OPCML: variants seen among roughly 807,000 people sequenced by gnomAD.
OPCML encodes opioid-binding protein/cell adhesion molecule.
Under a neutral mutation model 37.8 loss-of-function variants are expected in OPCML, and 13 were observed. The ratio of observed to expected loss-of-function variants is 0.34; its 90% CI spans 0.22 to 0.55. The LOEUF is 0.55. Ranked by LOEUF, OPCML falls within the 20% of genes least tolerant of loss-of-function variation. OPCML has a pLI of 0.91. For missense variants in OPCML, 341 were observed against 435.6 expected (o/e 0.78, Z 1.93); for synonymous variants, 176 against 168.8 (o/e 1.04, Z -0.33).
chr11:133,035,590 CCTG>C (rs1345355494), intron 1 of OPCML, among the ~76,000 whole-genome samples: 1 of 152,162 alleles, frequency 6.6e-6, no homozygotes, highest in South Asian at 2.1e-4. Flanking sequence ...TGAGCCTGTG[CCTG>C]CTATTTCTCT....
intron 2 of OPCML, among the ~76,000 whole-genome samples, chr11:132,922,703 GT>G (rs1944848240): frequency 6.6e-6 from 1 of 152,124 alleles, no homozygotes; most frequent in Non-Finnish European, 1.5e-5. Context: ...GCAAAAAATT[GT>G]TGTACTCACA....
intron 3 of OPCML, among the ~76,000 whole-genome samples, chr11:132,541,712 A>G (rs1435332022): frequency 6.6e-6 from 1 of 152,218 alleles, no homozygotes; most frequent in East Asian, 1.9e-4. Flanking sequence ...AATTTCACAC[A>G]GCCTGGAAGA....
chr11:132,874,430 CTT>C (rs1942934483), intron 2 of OPCML, among the ~76,000 whole-genome samples: 1 of 136,728 alleles, frequency 7.3e-6, no homozygotes, highest in African/African-American at 2.7e-5. Context: ...CCCTTCCTTC[CTT>C]CTTCCTTCCT....
intron 1 of OPCML, among the ~76,000 whole-genome samples, chr11:133,199,356 T>C (rs1486141954): frequency 1.3e-5 from 2 of 152,248 alleles, no homozygotes; most frequent in Non-Finnish European, 2.9e-5. Context: ...TATTGTCTTA[T>C]AAGTAATAAA....
rs142119754 is a variant in OPCML at position 133,439,713 on chromosome 11, C to T, written c.61+92551G>A. On this transcript the variant is annotated intron_variant, in intron 1 of 7. Coordinates refer to ENST00000524381, the MANE Select transcript of OPCML (RefSeq NM_001012393.5). ...CGATCTCCTGACTTCGTGATCCACC[C>T]GCCTTGGCCTCCCAAAGTGCTGGGA... Among the ~76,000 whole-genome samples, 389 of 152,084 alleles carry T rather than the reference C, an allele frequency of 2.6e-3. 3 individuals carry two copies. Among genetic ancestry groups the T allele is most frequent in the Middle Eastern group, 0.01 (3 of 294 alleles).
At chr11:132,624,904 T>C (rs1939646893) in intron 3 of OPCML, among the ~76,000 whole-genome samples, 1 of 152,146 alleles carries the variant, frequency 6.6e-6, no homozygotes, top group East Asian at 1.9e-4. Context: ...TAAATTGGAA[T>C]TTCAGATCAG....
At chr11:132,497,480 AG>A (rs2096235194) in intron 4 of OPCML, among the ~76,000 whole-genome samples, 1 of 152,004 alleles carries the variant, frequency 6.6e-6, no homozygotes, top group African/African-American at 2.4e-5. Flanking sequence ...AGGAAATGCC[AG>A]GGTGATGTGG....
Position 133,208,547 on chromosome 11 carries a change from G to A in OPCML, c.62-265537C>T, listed in dbSNP as rs998033899. On this transcript the variant is annotated intron_variant, in intron 1 of 7. Transcript: ENST00000524381. The surrounding 1 kb of genome is among the most constrained non-coding windows in gnomAD (Gnocchi z 8.9). ...AGGGCATCGTAAATATAATTCCAATGCTGGCTATCCACATATGTGTATTAG... is the reference window on the plus strand; with the variant it reads ...AGGGCATCGTAAATATAATTCCAATACTGGCTATCCACATATGTGTATTAG... Among the ~76,000 whole-genome samples, 4 of 152,174 alleles carry A rather than the reference G, an allele frequency of 2.6e-5. No individual in the cohort carries two copies. The highest frequency in any genetic ancestry group is 9.7e-5 in the African/African-American group (4 of 41,440).
At chr11:133,431,542 C>T (rs1053049371) in intron 1 of OPCML, among the ~76,000 whole-genome samples, 1 of 151,888 alleles carries the variant, frequency 6.6e-6, no homozygotes, top group African/African-American at 2.4e-5. Context: ...CTCAGCTCAC[C>T]GCAACCTCCG....
intron 2 of OPCML, among the ~76,000 whole-genome samples, chr11:132,864,527 C>A (rs970490613): frequency 5.9e-5 from 9 of 152,078 alleles, no homozygotes; most frequent in Non-Finnish European, 1.2e-4. Flanking sequence ...TTGGATTATG[C>A]AAAGAAAAGT....
chr11:132,634,857 TAGGG>T (rs1290147855), intron 3 of OPCML, among the ~76,000 whole-genome samples: 1 of 151,824 alleles, frequency 6.6e-6, no homozygotes, highest in Non-Finnish European at 1.5e-5. Flanking sequence ...CCCAACTTGT[TAGGG>T]AGGATTAACT....
intron 2 of OPCML, among the ~76,000 whole-genome samples, chr11:132,730,137 C>T (rs888482652): frequency 9.2e-5 from 14 of 151,440 alleles, no homozygotes; most frequent in Non-Finnish European, 1.3e-4. Flanking sequence ...CTCAGCCTCC[C>T]GAGTAGCTGG....
chr11:132,648,331 G>A (rs1345733807), intron 3 of OPCML, among the ~76,000 whole-genome samples: 1 of 152,116 alleles, frequency 6.6e-6, no homozygotes, highest in Admixed American at 6.5e-5. Flanking sequence ...TGGAGGTATT[G>A]GCAGACAGGT....
intron 1 of OPCML, among the ~76,000 whole-genome samples, chr11:133,406,189 G>A (rs1945522503): frequency 6.6e-6 from 1 of 151,794 alleles, no homozygotes; most frequent in Non-Finnish European, 1.5e-5. Flanking sequence ...TCTAAACTTC[G>A]GGCAGCTTGG....
intron 1 of OPCML, among the ~76,000 whole-genome samples, chr11:132,991,159 A>C (rs973013411): frequency 6.6e-6 from 1 of 152,192 alleles, no homozygotes; most frequent in African/African-American, 2.4e-5. Flanking sequence ...GCGTCACACA[A>C]GGCATCTCCC....
intron 1 of OPCML, among the ~76,000 whole-genome samples, chr11:133,112,798 G>A (rs1224264412): frequency 6.6e-6 from 1 of 151,982 alleles, no homozygotes; most frequent in Admixed American, 6.6e-5. Context: ...GAGAGCCAAG[G>A]GCGAGCAGGT....
intron 1 of OPCML, 51 bp downstream of exon 1, chr11:133,532,213 A>C (rs1391385203): frequency 1.3e-6 from 2 of 1,597,718 alleles, no homozygotes; most frequent in Non-Finnish European, 8.5e-7. Context: ...TCCTGCTCTC[A>C]CGTCGTACAA....
chr11:133,200,423 AT>A (rs562587659), intron 1 of OPCML, among the ~76,000 whole-genome samples: 70 of 152,334 alleles, frequency 4.6e-4, no homozygotes, highest in African/African-American at 1.6e-3. Context: ...ACATAAAAAG[AT>A]TGGAAACATG....
chr11:133,113,144 A>C (rs896046262), intron 1 of OPCML, among the ~76,000 whole-genome samples: 1 of 152,188 alleles, frequency 6.6e-6, no homozygotes, highest in Non-Finnish European at 1.5e-5. Context: ...CAAAAAAGCC[A>C]TCCTTTATAT....
Sources: allele counts gnomAD v4.1 joint callset (sites outside exome capture counted in the v4.1 genomes callset), GRCh38; gene constraint gnomAD v4.1.1; non-coding constraint Gnocchi (gnomAD v3.1); transcripts MANE v1.5; gene names NCBI Gene and HGNC (gene_info 2026-07-23, HGNC 2026-07-21).